The following EPHB1 variants were observed in gnomAD, a reference collection of about 807,000 sequenced individuals.
The protein encoded by EPHB1 is ephrin type-B receptor 1.
A neutral mutation model predicts 94.4 loss-of-function variants in EPHB1; 30 were observed. The ratio of observed to expected loss-of-function variants is 0.32; its 90% CI spans 0.24 to 0.43. EPHB1 has a LOEUF of 0.43. Ranked by LOEUF, EPHB1 falls within the 20% of genes least tolerant of loss-of-function variation. The pLI, the probability that EPHB1 is intolerant of heterozygous loss-of-function variation, is 1.00. For missense variants in EPHB1, 1,055 were observed against 1,308.3 expected, an observed-to-expected ratio of 0.81 and a Z score of 2.99; for synonymous variants, 522 against 489.1, an observed-to-expected ratio of 1.07 and a Z score of -0.89.
intron 3 of EPHB1, among the ~76,000 whole-genome samples, chr3:134,975,360 G>C (rs924939660): frequency 6.6e-6 from 1 of 152,138 alleles, no homozygotes; most frequent in African/African-American, 2.4e-5. Context: ...TCTGGGTAAG[G>C]CTAAAGAGCA....
At position 135,201,614 on chromosome 3, in the gene EPHB1, G is replaced by T. The variant is rs766570612; in HGVS notation, c.2271G>T (p.Val757=). 1.2e-6 allele frequency: 2 copies of T among 1,614,080 alleles called. No individual in the cohort carries two copies. Among genetic ancestry groups the T allele is most frequent in the Admixed American group, 3.3e-5 (2 of 60,002 alleles). ...ACATTCTGGTCAACAGTAACCTGGTGTGCAAGGTGTCCGACTTTGGCCTCT... is the reference window on the plus strand; with the variant it reads ...ACATTCTGGTCAACAGTAACCTGGTTTGCAAGGTGTCCGACTTTGGCCTCT... ...ARNILVNSNL[V]CKVSDFGLSR... Residue 757 remains valine (V), a synonymous_variant, in exon 12 of 16, where the codon GTG becomes GTT. Coordinates refer to ENST00000398015, the MANE Select transcript of EPHB1 (RefSeq NM_004441.5).
At chr3:135,159,591 G>A (rs1417701855) in intron 6 of EPHB1, among the ~76,000 whole-genome samples, 1 of 152,250 alleles carries the variant, frequency 6.6e-6, no homozygotes, top group Non-Finnish European at 1.5e-5. Context: ...AGTTCTGGAT[G>A]ACATCCCTTC....
intron 12 of EPHB1, among the ~76,000 whole-genome samples, chr3:135,227,759 A>G (rs1943435138): frequency 6.6e-6 from 1 of 152,210 alleles, no homozygotes; most frequent in Admixed American, 6.5e-5. Flanking sequence ...AATAATGTCA[A>G]ACTTAAAGAA....
intron 3 of EPHB1, among the ~76,000 whole-genome samples, chr3:135,105,894 T>C (rs1467488163): frequency 6.6e-6 from 1 of 152,264 alleles, no homozygotes; most frequent in Admixed American, 6.5e-5. Flanking sequence ...GAATCACTTA[T>C]GAATTTCAGC....
At chr3:134,941,770 C>T (rs1488753008) in intron 2 of EPHB1, among the ~76,000 whole-genome samples, 1 of 151,214 alleles carries the variant, frequency 6.6e-6, no homozygotes, top group Non-Finnish European at 1.5e-5. Context: ...CACACACACA[C>T]ACACACACAC....
At chr3:134,805,056 G>A (rs2036011087) in intron 1 of EPHB1, among the ~76,000 whole-genome samples, 1 of 152,202 alleles carries the variant, frequency 6.6e-6, no homozygotes, top group Non-Finnish European at 1.5e-5. Context: ...ATCAACATAG[G>A]ACCTTTGCCC....
intron 3 of EPHB1, among the ~76,000 whole-genome samples, chr3:134,977,337 AC>A (rs1374252195): frequency 6.6e-6 from 1 of 152,210 alleles, no homozygotes; most frequent in African/African-American, 2.4e-5. Flanking sequence ...ATCCATCTTC[AC>A]GAAGAATGGA....
intron 11 of EPHB1, among the ~76,000 whole-genome samples, chr3:135,200,683 GAGAC>G (rs1463507875): frequency 7.9e-5 from 12 of 152,140 alleles, no homozygotes; most frequent in Admixed American, 5.9e-4. Flanking sequence ...TCAAGCAGCA[GAGAC>G]AGACAGACAG....
intron 1 of EPHB1, among the ~76,000 whole-genome samples, chr3:134,825,199 C>T (rs915706305): frequency 2.6e-5 from 4 of 152,210 alleles, no homozygotes; most frequent in African/African-American, 9.6e-5. Context: ...ATGGCCAGTG[C>T]AGGCCTGCCT....
intron 12 of EPHB1, among the ~76,000 whole-genome samples, chr3:135,228,823 C>G (rs1283391677): frequency 6.6e-6 from 1 of 152,042 alleles, no homozygotes; most frequent in Non-Finnish European, 1.5e-5. Flanking sequence ...TTTGTTTTTC[C>G]TTTGGGAGAT....
chr3:135,128,388 T>G (rs1230720292), intron 4 of EPHB1, among the ~76,000 whole-genome samples: 1 of 152,254 alleles, frequency 6.6e-6, no homozygotes, highest in Non-Finnish European at 1.5e-5. Context: ...GGGAGGTTTA[T>G]GCAGACGCCA....
intron 1 of EPHB1, among the ~76,000 whole-genome samples, chr3:134,815,111 TA>T (rs1288934807): frequency 1.2e-4 from 19 of 152,338 alleles, no homozygotes; most frequent in African/African-American, 4.6e-4. Context: ...ACAAACCCTA[TA>T]CTAAGAAATT....
chr3:134,911,006 CT>C (rs1404957301), intron 1 of EPHB1, among the ~76,000 whole-genome samples: 1 of 152,242 alleles, frequency 6.6e-6, no homozygotes. Flanking sequence ...TTGAGACCTG[CT>C]CTGAATGGTG....
chr3:135,062,882 C>A (rs1937533831), intron 3 of EPHB1, among the ~76,000 whole-genome samples: 1 of 152,150 alleles, frequency 6.6e-6, no homozygotes, highest in African/African-American at 2.4e-5. Flanking sequence ...AGATGAGGAT[C>A]CAGCTTCATT....
chr3:134,917,964 T>C (rs1198940718), intron 1 of EPHB1, among the ~76,000 whole-genome samples: 3 of 152,234 alleles, frequency 2.0e-5, no homozygotes, highest in Admixed American at 2.0e-4. Flanking sequence ...TTGTTGTACA[T>C]TAGTGTTTTG....
chr3:135,074,786 A>C (rs1293325650), intron 3 of EPHB1, among the ~76,000 whole-genome samples: 1 of 152,038 alleles, frequency 6.6e-6, no homozygotes, highest in East Asian at 1.9e-4. Context: ...CAATCCTTAC[A>C]TTTTGGGGAG....
chr3:134,993,266 C>T (rs1934878523), intron 3 of EPHB1, among the ~76,000 whole-genome samples: 1 of 152,192 alleles, frequency 6.6e-6, no homozygotes, highest in South Asian at 2.1e-4. Context: ...CGAGCAAGTC[C>T]TGGGGAAACA....
At chr3:135,038,710 G>C (rs1206019389) in intron 3 of EPHB1, among the ~76,000 whole-genome samples, 2 of 152,100 alleles carry the variant, frequency 1.3e-5, no homozygotes, top group African/African-American at 4.8e-5. Context: ...TGGTCTCGCT[G>C]GCTCAGGAGT....
At chr3:135,035,372 T>G (rs901078982) in intron 3 of EPHB1, among the ~76,000 whole-genome samples, 1 of 152,210 alleles carries the variant, frequency 6.6e-6, no homozygotes, top group African/African-American at 2.4e-5. Context: ...TTTTGTTGCC[T>G]ACTTCCACAG....
Sources: allele counts gnomAD v4.1 joint callset (sites outside exome capture counted in the v4.1 genomes callset), GRCh38; gene constraint gnomAD v4.1.1; transcripts MANE v1.5; gene names NCBI Gene and HGNC (gene_info 2026-07-23, HGNC 2026-07-21).